Variants in C1QL3 observed in about 807,000 individuals in gnomAD.
C1QL3 encodes complement C1q-like protein 3.
A neutral mutation model predicts 16.6 loss-of-function variants in C1QL3; 4 were observed. The ratio of observed to expected loss-of-function variants is 0.24; its 90% CI spans 0.12 to 0.55. C1QL3 has a LOEUF of 0.55. Among genes scored for constraint, C1QL3 ranks in the 20% least tolerant of loss-of-function variants. C1QL3 has a pLI of 0.94. For synonymous variants in C1QL3, 189 were observed against 160.2 expected, an observed-to-expected ratio of 1.18 and a Z score of -1.36; for missense variants, 269 against 365.6, an observed-to-expected ratio of 0.74 and a Z score of 2.16.
Position 16,521,324 on chromosome 10 carries a change from C to T in C1QL3, c.-259G>A, listed in dbSNP as rs531094305. 0.022 allele frequency: 8,527 copies of T among 395,844 alleles called. 124 individuals carry two copies. The highest frequency in any genetic ancestry group is 0.028 in the Non-Finnish European group (6,327 of 223,066). 24.5% of individuals were successfully genotyped at this position (395,844 alleles called of 1,614,324 possible). A position where few individuals can be genotyped will look rare whatever the true frequency, so the allele number is the denominator to read the frequency against. On this transcript the variant is annotated 5_prime_UTR_variant, in exon 1 of 2. Transcript: ENST00000298943. ...GGCGCCCAGTGACTTGAGCCGAAGTCCCGAGCCCGGGGTGGGGGCCGGGGG... is the reference window on the plus strand; with the variant it reads ...GGCGCCCAGTGACTTGAGCCGAAGTTCCGAGCCCGGGGTGGGGGCCGGGGG...
chr10:16,521,124 A>C lies in C1QL3; in HGVS notation c.-59T>G. 1.4e-6 allele frequency: 2 copies of C among 1,458,804 alleles called. No homozygotes were observed. Among genetic ancestry groups the C allele is most frequent in the Non-Finnish European group, 1.9e-6 (2 of 1,073,914 alleles). 90.4% of individuals were successfully genotyped at this position (1,458,804 alleles called of 1,614,324 possible). ...CCTCCTGCTGCCCACCAGCCGGCTC[A>C]GCGCGGGGCGATCCTCTTGTCTGCT... On this transcript the variant is annotated 5_prime_UTR_variant, in exon 1 of 2. Coordinates refer to ENST00000298943, the MANE Select transcript of C1QL3 (RefSeq NM_001010908.2).
Position 16,514,040 on chromosome 10 carries a change from T to A in C1QL3, c.*488A>T. 3.0e-6 allele frequency: 1 copy of A among 329,304 alleles called. No homozygotes were observed. 20.4% of individuals were successfully genotyped at this position (329,304 alleles called of 1,614,324 possible). ...CAAGAGTACAAGGCAAACAATTTCT[T>A]TGGGGACAAGCAGCATTATTTCAAT... On this transcript the variant is annotated 3_prime_UTR_variant, in exon 2 of 2. Coordinates refer to ENST00000298943, the MANE Select transcript of C1QL3 (RefSeq NM_001010908.2).
In C1QL3 at chr10:16,520,814, G is replaced by C. The variant is rs757946024; in HGVS notation, c.252C>G (p.Pro84=). 7.8e-5 allele frequency: 104 copies of C among 1,331,654 alleles called. No homozygotes were observed. The highest frequency in any genetic ancestry group is 1.0e-4 in the Non-Finnish European group (104 of 1,042,574). 82.5% of individuals were successfully genotyped at this position (1,331,654 alleles called of 1,614,324 possible). A position where few individuals can be genotyped will look rare whatever the true frequency, so the allele number is the denominator to read the frequency against. The change falls in exon 1 of 2, where the codon CCC becomes CCG. Residue 84 remains proline (P), a synonymous_variant. Transcript: ENST00000298943. This position sits in a 1 kb window ranked among gnomAD's most constrained non-coding sequence, Gnocchi z 8.3. ...TCTCGCCCGGGGGCCCCATGGGGCC[G>C]GGTGGCCCGGGCTCTCCGGGGGGCC... ...PRGPPGEPGP[P]GPMGPPGEKG...
Position 16,521,776 on chromosome 10 carries a change from G to A in C1QL3, c.-711C>T, listed in dbSNP as rs1443792636. On this transcript the variant is annotated 5_prime_UTR_variant, in exon 1 of 2. Transcript: ENST00000298943. ...CACGGCGAGGCTCAGAGCTGGGGCG[G>A]AGGAGCGAGCGAGCAGCGGCGAGCG... is the stretch of plus-strand genomic sequence containing the variant. 6.5e-6 allele frequency: 1 copy of A among 153,000 alleles called. No homozygotes were observed. Among genetic ancestry groups the A allele is most frequent in the Admixed American group, 6.5e-5 (1 of 15,276 alleles). 9.5% of individuals were successfully genotyped at this position (153,000 alleles called of 1,614,324 possible). A position where few individuals can be genotyped will look rare whatever the true frequency, so the allele number is the denominator to read the frequency against.
rs567187339 is a variant in C1QL3, at chr10:16,519,140, C to CTTTTTTTTTTTTT, written c.588+1325_588+1337dup. 5.0e-3 allele frequency among the ~76,000 whole-genome samples: 198 copies of CTTTTTTTTTTTTT among 39,384 alleles called. 34 individuals are homozygous for CTTTTTTTTTTTTT. Among genetic ancestry groups the CTTTTTTTTTTTTT allele is most frequent in the African/African-American group, 0.018 (116 of 6,434 alleles). The allele number at this position is 39,384 out of a possible 152,430, so 25.8% of individuals were successfully genotyped here. On this transcript the variant is annotated intron_variant, in intron 1 of 1. Transcript: ENST00000298943. ...TTTTTTCTCTCTTACGCATTTAGGA[C>CTTTTTTTTTTTTT]TTTTTTTTTTTTTTTTTTGGTCTTT...
rs1836911317 is a variant in C1QL3 at position 16,514,168 on chromosome 10, T to C, written c.*360A>G. On this transcript the variant is annotated 3_prime_UTR_variant, in exon 2 of 2. Transcript: ENST00000298943. ...ACTCACAAGAACCAAAGCTGACATA[T>C]GGATAAAAGCAGCAAGATCACAGTA... is the stretch of plus-strand genomic sequence containing the variant. 1.0e-5 allele frequency: 4 copies of C among 398,890 alleles called. No individual in the cohort carries two copies. The highest frequency in any genetic ancestry group is 1.3e-5 in the Non-Finnish European group (3 of 226,432). 24.7% of individuals were successfully genotyped at this position (398,890 alleles called of 1,614,324 possible). A position where few individuals can be genotyped will look rare whatever the true frequency, so the allele number is the denominator to read the frequency against.
At chr10:16,519,316 G>A (rs1488387959) in intron 1 of C1QL3, among the ~76,000 whole-genome samples, 3 of 151,472 alleles carry the variant, frequency 2.0e-5, no homozygotes, top group South Asian at 2.1e-4. Flanking sequence ...CAAAGTTGCT[G>A]CAGGAGAGGA....
Position 16,520,777 on chromosome 10 carries a change from C to A in C1QL3, c.289G>T (p.Gly97Cys). 7.7e-7 allele frequency: 1 copy of A among 1,293,476 alleles called. No homozygotes were observed. The highest frequency in any genetic ancestry group is 9.8e-7 in the Non-Finnish European group (1 of 1,019,524). The allele number at this position is 1,293,476 out of a possible 1,614,324, so 80.1% of individuals were successfully genotyped here. The change falls in exon 1 of 2, where the codon GGC becomes TGC. Residue 97 changes from glycine (G) to cysteine (C), a missense_variant. Gly to Cys is a radical substitution (Grantham distance 159, BLOSUM62 -3). This residue lies in a region of C1QL3 where 246 missense variants were observed against 297.2 expected (regional missense o/e 0.83). Coordinates refer to ENST00000298943, the MANE Select transcript of C1QL3 (RefSeq NM_001010908.2). This position sits in a 1 kb window ranked among gnomAD's most constrained non-coding sequence, Gnocchi z 8.3. ...MGPPGEKGEP[G>C]RQGLPGPPGA... ...GGCGGGCCCGGCAGGCCTTGGCGGC[C>A]CGGCTCGCCCTTCTCGCCCGGGGGC... is the stretch of plus-strand genomic sequence containing the variant.
chr10:16,519,158 T>TTTTTTTTTTTTTTTTTTTTTTTTTTTTTA, intron 1 of C1QL3, among the ~76,000 whole-genome samples: 1 of 142,750 alleles, frequency 7.0e-6, no homozygotes, highest in Middle Eastern at 3.6e-3. Flanking sequence ...TTTTTTTTTT[T>TTTTTTTTTTTTTTTTTTTTTTTTTTTTTA]GGTCTTTCAC....
rs1417391149 is a variant in C1QL3 at position 16,520,085 on chromosome 10, T to C, written c.588+393A>G. Among the ~76,000 whole-genome samples the C allele has an allele frequency of 2.0e-5, 3 of 151,964 alleles. No individual in the cohort carries two copies. The highest frequency in any genetic ancestry group is 4.4e-5 in the Non-Finnish European group (3 of 67,970). On this transcript the variant is annotated intron_variant, in intron 1 of 1. Transcript: ENST00000298943. The surrounding 1 kb of genome is among the most constrained non-coding windows in gnomAD (Gnocchi z 8.3). ...CCCATTCCGGACTCCCCCAGGCCTC[T>C]CCACTCCCCAGAAAGCCCGTAAGCT... is the stretch of plus-strand genomic sequence containing the variant.
chr10:16,515,652 C>A (rs1836939189), intron 1 of C1QL3, among the ~76,000 whole-genome samples: 2 of 152,268 alleles, frequency 1.3e-5, no homozygotes, highest in African/African-American at 4.8e-5. Flanking sequence ...CCTATCATCT[C>A]ATGCATTGTG....
rs143439588 is a variant in C1QL3 at position 16,516,732 on chromosome 10, C to T, written c.589-2025G>A. 3.3e-5 allele frequency among the ~76,000 whole-genome samples: 5 copies of T among 152,258 alleles called. No individual in the cohort carries two copies. In the East Asian group the frequency reaches 5.8e-4, roughly 18 times the overall value. On this transcript the variant is annotated intron_variant, in intron 1 of 1. Coordinates refer to ENST00000298943, the MANE Select transcript of C1QL3 (RefSeq NM_001010908.2). Reference sequence around the variant, plus strand: ...ATTCTCCAGGGTGTAACCACAAAACCGAGTGAACGTCACCATTTTTATTCA... The same window carrying T: ...ATTCTCCAGGGTGTAACCACAAAACTGAGTGAACGTCACCATTTTTATTCA...
At position 16,521,012 on chromosome 10, in the gene C1QL3, C is replaced by G; in HGVS notation, c.54G>C (p.Thr18=). 1 of 1,599,400 alleles carries G rather than the reference C, an allele frequency of 6.3e-7. No individual in the cohort carries two copies. Among genetic ancestry groups the G allele is most frequent in the South Asian group, 1.1e-5 (1 of 90,316 alleles). Residue 18 remains threonine, a synonymous_variant, in exon 1 of 2, where the codon ACG becomes ACC. Transcript: ENST00000298943. The part of the protein sequence containing the change: ...LIPVLVSSAG[T]SAHYEMLGTC... ...TGCCCAGCATCTCGTAGTGCGCCGACGTGCCGGCCGAGCTCACCAGCACCG... is the reference window on the plus strand; with the variant it reads ...TGCCCAGCATCTCGTAGTGCGCCGAGGTGCCGGCCGAGCTCACCAGCACCG...
In C1QL3 at chr10:16,519,622, G is replaced by A. The variant is rs371490932; in HGVS notation, c.588+856C>T. ...AGACCCATGCGTAGCCCTTGTAGCG[G>A]CGCCGACCGGCTCAGGGAATCAAAT... is the stretch of plus-strand genomic sequence containing the variant. On this transcript the variant is annotated intron_variant, in intron 1 of 1. Transcript: ENST00000298943. Among the ~76,000 whole-genome samples the A allele has an allele frequency of 6.6e-5, 10 of 152,252 alleles. No individual in the cohort carries two copies. The South Asian group carries it at 2.1e-3, about 32-fold the overall frequency.
At chr10:16,517,860 A>G (rs959085801) in intron 1 of C1QL3, among the ~76,000 whole-genome samples, 6 of 152,222 alleles carry the variant, frequency 3.9e-5, no homozygotes, top group African/African-American at 1.4e-4. Context: ...CATAAACAAA[A>G]GGTTAAGTGG....
chr10:16,517,956 G>A (rs924048677), intron 1 of C1QL3, among the ~76,000 whole-genome samples: 5 of 151,916 alleles, frequency 3.3e-5, no homozygotes, highest in Non-Finnish European at 7.4e-5. Context: ...GCTCTCATAT[G>A]GTTACAGTCC....
chr10:16,521,195 A>T lies in C1QL3; in HGVS notation c.-130T>A. On this transcript the variant is annotated 5_prime_UTR_variant, in exon 1 of 2. Coordinates refer to ENST00000298943, the MANE Select transcript of C1QL3 (RefSeq NM_001010908.2). ...TTGGGCGGGGACCTCTTCAGAGCCG[A>T]AAACAACCCCCTGCGAACCCCAACT... is the stretch of plus-strand genomic sequence containing the variant. 1 of 819,878 alleles carries T rather than the reference A, an allele frequency of 1.2e-6. No individual in the cohort carries two copies. The highest frequency in any genetic ancestry group is 3.0e-5 in the East Asian group (1 of 33,672). The allele number at this position is 819,878 out of a possible 1,614,324, so 50.8% of individuals were successfully genotyped here.
chr10:16,515,241 A>G (rs565406809), intron 1 of C1QL3, among the ~76,000 whole-genome samples: 2 of 152,094 alleles, frequency 1.3e-5, no homozygotes, highest in East Asian at 3.9e-4. Flanking sequence ...AAAAAAAAGA[A>G]AAAGTCTTTT....
At chr10:16,518,875 T>C (rs377487363) in intron 1 of C1QL3, among the ~76,000 whole-genome samples, 10 of 152,246 alleles carry the variant, frequency 6.6e-5, no homozygotes, top group African/African-American at 2.4e-4. Flanking sequence ...TTTGTGAGGG[T>C]GATTCAATAG....
Sources: gnomAD v4.1 joint callset for allele counts (sites outside exome capture counted in the v4.1 genomes callset) on GRCh38, gnomAD v4.1.1 for gene constraint, gnomAD v4.1.1 regional missense constraint, Gnocchi (gnomAD v3.1) non-coding constraint, MANE v1.5 for transcripts, NCBI Gene and HGNC (gene_info 2026-07-23, HGNC 2026-07-21) for gene names.